Variants in KATNAL1 observed in about 807,000 individuals in gnomAD.
KATNAL1 encodes the protein katanin catalytic subunit A1 like 1.
A neutral mutation model predicts 55.2 loss-of-function variants in KATNAL1; 32 were observed. The ratio of observed to expected loss-of-function variants is 0.58; its 90% confidence interval spans 0.44 to 0.78. The LOEUF is 0.78. Ranked by LOEUF, KATNAL1 falls within the 30% of genes least tolerant of loss-of-function variation. KATNAL1 has a pLI of 0.00. For synonymous variants in KATNAL1, 193 were observed against 193.6 expected, an observed-to-expected ratio of 1.00 and a Z score of 0.02; for missense variants, 466 against 600.9, an observed-to-expected ratio of 0.78 and a Z score of 2.35.
At chr13:30,263,207 A>G (rs1879454155) in intron 3 of KATNAL1, among the ~76,000 whole-genome samples, 1 of 152,216 alleles carries the variant, frequency 6.6e-6, no homozygotes. Flanking sequence ...TTAGGTATTG[A>G]TGGGACGTAT....
intron 9 of KATNAL1, among the ~76,000 whole-genome samples, chr13:30,219,912 C>A (rs765131783): frequency 1.5e-4 from 23 of 152,198 alleles, no homozygotes; most frequent in Non-Finnish European, 2.6e-4. Flanking sequence ...GTATGTCTTT[C>A]CCCTAATACC....
intron 9 of KATNAL1, among the ~76,000 whole-genome samples, chr13:30,224,932 C>T (rs754137979): frequency 1.3e-5 from 2 of 152,182 alleles, no homozygotes; most frequent in South Asian, 2.1e-4. Flanking sequence ...CCACATGAGT[C>T]ATGTCTGAGA....
At chr13:30,245,888 A>T (rs1877743263) in intron 4 of KATNAL1, among the ~76,000 whole-genome samples, 1 of 152,222 alleles carries the variant, frequency 6.6e-6, no homozygotes, top group African/African-American at 2.4e-5. Flanking sequence ...CTACTCAAGG[A>T]TACAAGAGAG....
rs147318584 is a variant in KATNAL1 at position 30,254,948 on chromosome 13, G to A, written c.492+499C>T. 9.5e-4 allele frequency among the ~76,000 whole-genome samples: 145 copies of A among 152,058 alleles called. 1 individual carries two copies. The highest frequency in any genetic ancestry group is 1.6e-3 in the Non-Finnish European group (108 of 67,980). ...ACCAATCAATTTCCTAAATAAGTAC[G>A]TGTGCACAATGAACCCTAAGCAAGG... On this transcript the variant is annotated intron_variant, in intron 4 of 10. Coordinates refer to ENST00000380615, the MANE Select transcript of KATNAL1 (RefSeq NM_032116.5).
At chr13:30,268,720 G>C (rs901980770) in intron 3 of KATNAL1, among the ~76,000 whole-genome samples, 10 of 152,240 alleles carry the variant, frequency 6.6e-5, no homozygotes, top group Middle Eastern at 3.4e-3. Context: ...CACTAATAGA[G>C]ACCTTGGCTG....
chr13:30,213,901 A>T (rs1359291576), intron 9 of KATNAL1, among the ~76,000 whole-genome samples: 1 of 152,080 alleles, frequency 6.6e-6, no homozygotes, highest in East Asian at 1.9e-4. Context: ...CCTATTCAAC[A>T]TAGTGTTGGA....
chr13:30,262,970 A>G (rs1566114525), intron 3 of KATNAL1, among the ~76,000 whole-genome samples: 3 of 152,228 alleles, frequency 2.0e-5, no homozygotes, highest in Admixed American at 6.5e-5. Flanking sequence ...AAAATCCTCA[A>G]TAAAATACTG....
At chr13:30,222,930 T>C (rs1053507577) in intron 9 of KATNAL1, among the ~76,000 whole-genome samples, 5 of 151,580 alleles carry the variant, frequency 3.3e-5, no homozygotes, top group African/African-American at 1.2e-4. Context: ...CCGTCTCTAC[T>C]AATAATATAA....
intron 1 of KATNAL1, among the ~76,000 whole-genome samples, chr13:30,290,267 G>A (rs1882048499): frequency 6.6e-6 from 1 of 151,882 alleles, no homozygotes; most frequent in Non-Finnish European, 1.5e-5. Flanking sequence ...CCAAAAGCAG[G>A]TTCTTCACAA....
intron 3 of KATNAL1, among the ~76,000 whole-genome samples, chr13:30,276,153 G>A (rs528041502): frequency 5.3e-5 from 8 of 152,088 alleles, no homozygotes; most frequent in Admixed American, 2.0e-4. Flanking sequence ...CTACCACCAC[G>A]ATCCTACTTT....
chr13:30,244,088 A>AC (rs374487335), intron 4 of KATNAL1, among the ~76,000 whole-genome samples: 5 of 125,074 alleles, frequency 4.0e-5, no homozygotes, highest in Admixed American at 3.5e-4. Context: ...CTAGTCCCCC[A>AC]CCCCCCAACA....
intron 1 of KATNAL1, among the ~76,000 whole-genome samples, chr13:30,293,578 GAT>G (rs1182916188): frequency 2.8e-4 from 43 of 152,212 alleles, no homozygotes; most frequent in African/African-American, 1.0e-3. Flanking sequence ...GTGTACAGTT[GAT>G]GAGTTTTGAA....
At chr13:30,266,500 A>T (rs1879795124) in intron 3 of KATNAL1, among the ~76,000 whole-genome samples, 1 of 152,200 alleles carries the variant, frequency 6.6e-6, no homozygotes, top group South Asian at 2.1e-4. Flanking sequence ...ATAATATTAA[A>T]TTTCTCCTAA....
chr13:30,255,651 A>T (rs746063815), intron 3 of KATNAL1, 36 bp from the exon 4 acceptor site: 26 of 1,369,502 alleles, frequency 1.9e-5, no homozygotes, highest in Non-Finnish European at 2.4e-5. Flanking sequence ...TAAAATTAAA[A>T]TTAAAATTAA....
intron 9 of KATNAL1, among the ~76,000 whole-genome samples, chr13:30,225,244 C>A (rs1339483760): frequency 6.6e-6 from 1 of 152,188 alleles, no homozygotes; most frequent in Non-Finnish European, 1.5e-5. Context: ...TACCACTTCA[C>A]ATTCATCATC....
intron 3 of KATNAL1, among the ~76,000 whole-genome samples, chr13:30,278,856 A>G (rs1286938292): frequency 1.3e-5 from 2 of 152,214 alleles, no homozygotes; most frequent in Non-Finnish European, 2.9e-5. Flanking sequence ...TTTGAGGGAT[A>G]TGGGTTACCC....
At chr13:30,211,584 C>T (rs144193636) in intron 9 of KATNAL1, among the ~76,000 whole-genome samples, 1 of 152,110 alleles carries the variant, frequency 6.6e-6, no homozygotes, top group Non-Finnish European at 1.5e-5. Context: ...AAACAGTTCC[C>T]CAGTGTTTAC....
Position 30,209,154 on chromosome 13 carries a change from G to T in KATNAL1, c.1275-416C>A, listed in dbSNP as rs1247673460. On this transcript the variant is annotated intron_variant, in intron 10 of 10. Coordinates refer to ENST00000380615, the MANE Select transcript of KATNAL1 (RefSeq NM_032116.5). ...AGCCTAAATAGAGGAATAAAGACAC[G>T]AATCACTCCCTCTGAAACATGAATA... Among the ~76,000 whole-genome samples the T allele has an allele frequency of 2.6e-5, 4 of 152,112 alleles. No homozygotes were observed. In the South Asian group the frequency reaches 8.3e-4, roughly 32 times the overall value.
At chr13:30,227,609 T>C in intron 8 of KATNAL1, 63 bp from the exon 9 acceptor site, 1 of 1,548,912 alleles carries the variant, frequency 6.5e-7, no homozygotes, top group Non-Finnish European at 8.8e-7. Flanking sequence ...TTTCATTCAA[T>C]TAACATTTCT....
Sources: allele counts gnomAD v4.1 joint callset (sites outside exome capture counted in the v4.1 genomes callset), GRCh38; gene constraint gnomAD v4.1.1; transcripts MANE v1.5; gene names NCBI Gene and HGNC (gene_info 2026-07-23, HGNC 2026-07-21).